Variants in RFTN1 observed in about 807,000 individuals in gnomAD.
RFTN1 encodes raftlin.
Under a neutral mutation model 46.5 loss-of-function variants are expected in RFTN1, and 26 were observed. The observed-to-expected ratio is 0.56, with a 90% confidence interval of 0.41 to 0.78. The LOEUF (loss-of-function observed/expected upper bound fraction) is 0.78, where lower values mean the gene tolerates loss of function less well. Ranked by LOEUF, RFTN1 falls within the 30% of genes least tolerant of loss-of-function variation. The probability of loss-of-function intolerance (pLI) is 0.00; values close to 1 mark genes in which losing one functional copy is unlikely to be tolerated. For synonymous variants in RFTN1, 261 were observed against 284.2 expected, an observed-to-expected ratio of 0.92 and a Z score of 0.82; for missense variants, 693 against 718.7, an observed-to-expected ratio of 0.96 and a Z score of 0.41.
chr3:16,332,264 T>C (rs978310839), intron 7 of RFTN1, among the ~76,000 whole-genome samples: 2 of 152,180 alleles, frequency 1.3e-5, no homozygotes, highest in Non-Finnish European at 1.5e-5. Context: ...ATAAATGTTT[T>C]AATTTTATTA....
rs560590954 is a variant in RFTN1, at chr3:16,334,331, A to C, written c.1147-7455T>G. Among the ~76,000 whole-genome samples the C allele has an allele frequency of 3.3e-5, 5 of 152,184 alleles. No homozygotes were observed. The South Asian group carries it at 1.0e-3, about 31-fold the overall frequency. On this transcript the variant is annotated intron_variant, in intron 7 of 9. Transcript: ENST00000334133. This position sits in a 1 kb window ranked among gnomAD's most constrained non-coding sequence, Gnocchi z 4.3. ...GCTAGTGGAAGGGCTCATTGATTCAACCCTCCTGGAGAACAGTTTGACAGT... is the reference window on the plus strand; with the variant it reads ...GCTAGTGGAAGGGCTCATTGATTCACCCCTCCTGGAGAACAGTTTGACAGT...
Position 16,400,150 on chromosome 3 carries a change from A to G in RFTN1, c.441+9225T>C, listed in dbSNP as rs1415514142. On this transcript the variant is annotated intron_variant, in intron 4 of 9. Transcript: ENST00000334133. This position sits in a 1 kb window ranked among gnomAD's most constrained non-coding sequence, Gnocchi z 4.5. ...GGGCCCCATCCTCAGCCTGGCCTGC[A>G]GGGCTGTATGGGGACCCGACTCACT... 6.6e-6 allele frequency among the ~76,000 whole-genome samples: 1 copy of G among 152,206 alleles called. No individual in the cohort carries two copies. Among genetic ancestry groups the G allele is most frequent in the Non-Finnish European group, 1.5e-5 (1 of 68,026 alleles).
rs1251608048 is a variant in RFTN1, at chr3:16,499,681, T to G, written c.-8-5804A>C. ...TCATTTATACCATAAGCAACTTATA[T>G]ACCAAGTCTGCTCGAAATGACCATG... On this transcript the variant is annotated intron_variant, in intron 1 of 9. Coordinates refer to ENST00000334133, the MANE Select transcript of RFTN1 (RefSeq NM_015150.2). The surrounding 1 kb of genome is among the most constrained non-coding windows in gnomAD (Gnocchi z 4.9). 6.6e-6 allele frequency among the ~76,000 whole-genome samples: 1 copy of G among 152,242 alleles called. No homozygotes were observed. Among genetic ancestry groups the G allele is most frequent in the African/African-American group, 2.4e-5 (1 of 41,456 alleles).
intron 3 of RFTN1, among the ~76,000 whole-genome samples, chr3:16,415,409 G>GTATATATATATATA (rs367960866): frequency 3.2e-4 from 33 of 104,524 alleles, no homozygotes; most frequent in African/African-American, 5.4e-4. Context: ...AGACAGTTGA[G>GTATATATATATATA]TATATATATA....
chr3:16,431,267 T>C (rs2075381981), intron 3 of RFTN1, among the ~76,000 whole-genome samples: 1 of 152,160 alleles, frequency 6.6e-6, no homozygotes, highest in Non-Finnish European at 1.5e-5. Context: ...CAAGCCCCAA[T>C]AGTGTTGCTG....
chr3:16,477,029 A>G (rs1055624916), intron 2 of RFTN1, among the ~76,000 whole-genome samples: 1 of 152,224 alleles, frequency 6.6e-6, no homozygotes, highest in African/African-American at 2.4e-5. Flanking sequence ...CTTTTCATCC[A>G]TAAAGCAGGG....
At position 16,317,956 on chromosome 3, in the gene RFTN1, T is replaced by G. The variant is rs1380094826; in HGVS notation, c.1333-724A>C. ...TGCATCACAGCCCAAATTCTCCCTC[T>G]GCCCGCTACTGTACCGACAAGTGTT... is the stretch of plus-strand genomic sequence containing the variant. On this transcript the variant is annotated intron_variant, in intron 9 of 9. Transcript: ENST00000334133. This position sits in a 1 kb window ranked among gnomAD's most constrained non-coding sequence, Gnocchi z 4.3. 1.3e-5 allele frequency among the ~76,000 whole-genome samples: 2 copies of G among 152,196 alleles called. No individual in the cohort carries two copies. Among genetic ancestry groups the G allele is most frequent in the Admixed American group, 1.3e-4 (2 of 15,282 alleles).
At chr3:16,435,816 T>C (rs2075498902) in intron 2 of RFTN1, among the ~76,000 whole-genome samples, 1 of 151,950 alleles carries the variant, frequency 6.6e-6, no homozygotes. Context: ...GTTAAAAATA[T>C]ATGCATTGTG....
intron 1 of RFTN1, among the ~76,000 whole-genome samples, chr3:16,496,711 A>G (rs898124843): frequency 2.6e-5 from 4 of 152,208 alleles, no homozygotes; most frequent in Non-Finnish European, 4.4e-5. Context: ...TGTGACCCGG[A>G]AATTCCTCTC....
At chr3:16,492,848 C>CA (rs1278856425) in intron 2 of RFTN1, among the ~76,000 whole-genome samples, 3 of 152,214 alleles carry the variant, frequency 2.0e-5, no homozygotes, top group Non-Finnish European at 4.4e-5. Context: ...ACTTCCCCCC[C>CA]AACACTGGCC....
Position 16,509,209 on chromosome 3 carries a change from A to AC in RFTN1, c.-9+4232_-9+4233insG, listed in dbSNP as rs2076859517. ...AAATGAAAACAAACAAACAACAACA[A>AC]AAAAAAACTAAAGAAAATGATTGCA... On this transcript the variant is annotated intron_variant, in intron 1 of 9. Transcript: ENST00000334133. The surrounding 1 kb of genome is among the most constrained non-coding windows in gnomAD (Gnocchi z 4.9). 6.6e-6 allele frequency among the ~76,000 whole-genome samples: 1 copy of AC among 152,074 alleles called. No individual in the cohort carries two copies. The highest frequency in any genetic ancestry group is 2.4e-5 in the African/African-American group (1 of 41,404).
intron 2 of RFTN1, among the ~76,000 whole-genome samples, chr3:16,467,174 G>A (rs1213609303): frequency 1.3e-5 from 2 of 152,108 alleles, no homozygotes; most frequent in Non-Finnish European, 2.9e-5. Context: ...GGAACCAGTG[G>A]GAGGAATGAA....
intron 2 of RFTN1, among the ~76,000 whole-genome samples, chr3:16,486,723 T>C (rs1262564854): frequency 1.3e-5 from 2 of 152,242 alleles, no homozygotes; most frequent in African/African-American, 2.4e-5. Context: ...CAAGTACTGG[T>C]TCTTCATCTG....
chr3:16,323,400 C>T lies in RFTN1; in HGVS notation c.1308G>A (p.Gln436=). The T allele has an allele frequency of 6.2e-7, 1 of 1,611,106 alleles. No homozygotes were observed. Among genetic ancestry groups the T allele is most frequent in the Non-Finnish European group, 8.5e-7 (1 of 1,177,382 alleles). The change falls in exon 9 of 10, where the codon CAG becomes CAA. Residue 436 remains glutamine (Q), a synonymous_variant. Coordinates refer to ENST00000334133, the MANE Select transcript of RFTN1 (RefSeq NM_015150.2). ...CCTTCGATTCCTTCTTCTTGATTTT[C>T]TGAGGTAGACAAGGTCTCTGAAGAA... ...IVFLQRPCLP[Q]KIKKKESKFQ...
rs2068896491 is a variant in RFTN1 at position 16,320,269 on chromosome 3, A to G, written c.1333-3037T>C. Among the ~76,000 whole-genome samples, 2 of 152,230 alleles carry G rather than the reference A, an allele frequency of 1.3e-5. No homozygotes were observed. The highest frequency in any genetic ancestry group is 6.5e-5 in the Admixed American group (1 of 15,282). ...CCTTGAAAATCACACGCACGTACACAGAGGTTTCTTTCCAATGCTGAAAAG... is the reference window on the plus strand; with the variant it reads ...CCTTGAAAATCACACGCACGTACACGGAGGTTTCTTTCCAATGCTGAAAAG... On this transcript the variant is annotated intron_variant, in intron 9 of 9. Transcript: ENST00000334133. The surrounding 1 kb of genome is among the most constrained non-coding windows in gnomAD (Gnocchi z 4.5).
In RFTN1 at chr3:16,421,921, G is replaced by A. The variant is rs1164561066; in HGVS notation, c.332+11930C>T. 6.6e-6 allele frequency among the ~76,000 whole-genome samples: 1 copy of A among 152,030 alleles called. No individual in the cohort carries two copies. Among genetic ancestry groups the A allele is most frequent in the Non-Finnish European group, 1.5e-5 (1 of 67,996 alleles). ...TTCCCTGAACCCAGCCCTTCTGCAG[G>A]CCCCTCCTGCTCCATACAGCACATG... On this transcript the variant is annotated intron_variant, in intron 3 of 9. Coordinates refer to ENST00000334133, the MANE Select transcript of RFTN1 (RefSeq NM_015150.2). This position sits in a 1 kb window ranked among gnomAD's most constrained non-coding sequence, Gnocchi z 4.6.
intron 6 of RFTN1, among the ~76,000 whole-genome samples, chr3:16,366,371 A>C (rs1042621792): frequency 1.1e-4 from 16 of 152,176 alleles, no homozygotes; most frequent in African/African-American, 3.9e-4. Context: ...CCCATCCTCT[A>C]GAAATAGAGA....
chr3:16,484,610 C>A lies in RFTN1; in HGVS notation c.145+9115G>T, dbSNP rs2076418879. The stretch of plus-strand genomic sequence containing the variant: ...CATGGGAATGTCTTATAAGGAGGAA[C>A]TTAAGAATAGAAATAGAAGAAGACA... On this transcript the variant is annotated intron_variant, in intron 2 of 9. Transcript: ENST00000334133. The surrounding 1 kb of genome is among the most constrained non-coding windows in gnomAD (Gnocchi z 4.6). The A allele has an allele frequency of 6.6e-6, 1 of 152,114 alleles. No homozygotes were observed. Among genetic ancestry groups the A allele is most frequent in the East Asian group, 1.9e-4 (1 of 5,200 alleles). 9.4% of individuals were successfully genotyped at this position (152,114 alleles called of 1,614,324 possible).
chr3:16,500,384 G>A lies in RFTN1; in HGVS notation c.-8-6507C>T, dbSNP rs370497325. The stretch of plus-strand genomic sequence containing the variant: ...CTGAAACTATGTGTATGGGTCTCCC[G>A]AGCATCAAGGTACCAAGAAAAACTT... On this transcript the variant is annotated intron_variant, in intron 1 of 9. Coordinates refer to ENST00000334133, the MANE Select transcript of RFTN1 (RefSeq NM_015150.2). This position sits in a 1 kb window ranked among gnomAD's most constrained non-coding sequence, Gnocchi z 5.9. Among the ~76,000 whole-genome samples the A allele has an allele frequency of 1.3e-4, 20 of 152,086 alleles. No homozygotes were observed. The highest frequency in any genetic ancestry group is 2.4e-4 in the Non-Finnish European group (16 of 68,024).
Sources: gnomAD v4.1 joint callset for allele counts (sites outside exome capture counted in the v4.1 genomes callset) on GRCh38, gnomAD v4.1.1 for gene constraint, Gnocchi (gnomAD v3.1) non-coding constraint, MANE v1.5 for transcripts, NCBI Gene and HGNC (gene_info 2026-07-23, HGNC 2026-07-21) for gene names.